The following KMO variants were observed in gnomAD, a reference collection of about 807,000 sequenced individuals.
KMO encodes kynurenine 3-hydroxylase.
A neutral mutation model predicts 57.8 loss-of-function variants in KMO; 24 were observed. The ratio of observed to expected loss-of-function variants is 0.42; its 90% CI spans 0.30 to 0.58. KMO has a LOEUF of 0.58. Among genes scored for constraint, KMO ranks in the 20% least tolerant of loss-of-function variants. The pLI is 0.22. For missense variants in KMO, 483 were observed against 588.2 expected, an observed-to-expected ratio of 0.82 and a Z score of 1.85; for synonymous variants, 210 against 193.6, an observed-to-expected ratio of 1.08 and a Z score of -0.70.
chr1:241,582,294 G>A (rs1196781885), intron 10 of KMO, among the ~76,000 whole-genome samples: 1 of 151,970 alleles, frequency 6.6e-6, no homozygotes, highest in Non-Finnish European at 1.5e-5. Context: ...CTTGTAGCTG[G>A]ATATTCATAT....
At chr1:241,539,525 A>G (rs1660880372) in intron 1 of KMO, among the ~76,000 whole-genome samples, 1 of 152,206 alleles carries the variant, frequency 6.6e-6, no homozygotes, top group African/African-American at 2.4e-5. Context: ...CAAAAACATC[A>G]AATCTGGAGT....
intron 12 of KMO, among the ~76,000 whole-genome samples, 185 bp from the exon 13 acceptor site, chr1:241,589,827 G>A (rs1198185031): frequency 6.6e-6 from 1 of 152,110 alleles, no homozygotes; most frequent in Non-Finnish European, 1.5e-5. Context: ...GTACATTTTC[G>A]AGGCAACGTC....
intron 6 of KMO, among the ~76,000 whole-genome samples, chr1:241,561,242 A>G (rs1367295819): frequency 6.6e-6 from 1 of 152,216 alleles, no homozygotes; most frequent in African/African-American, 2.4e-5. Flanking sequence ...AAATCCTTAT[A>G]GAAGCTCAAA....
chr1:241,575,183 G>A (rs1048242833), intron 10 of KMO, among the ~76,000 whole-genome samples: 1 of 151,988 alleles, frequency 6.6e-6, no homozygotes, highest in Admixed American at 6.6e-5. Context: ...ACTAGCTAAT[G>A]ATCTATTGAT....
At chr1:241,549,266 A>AAAGAAAGGAAGG (rs1348387681) in intron 2 of KMO, among the ~76,000 whole-genome samples, 4 of 117,556 alleles carry the variant, frequency 3.4e-5, no homozygotes, top group African/African-American at 1.3e-4. Context: ...AGAAAGAAAG[A>AAAGAAAGGAAGG]AAGGAAGGAA....
chr1:241,579,742 C>T (rs903298793), intron 10 of KMO, among the ~76,000 whole-genome samples: 5 of 152,142 alleles, frequency 3.3e-5, no homozygotes, highest in African/African-American at 1.2e-4. Context: ...CCAGCTTCTG[C>T]ACTCGTGGCT....
At chr1:241,563,641 A>C (rs1573921754) in intron 7 of KMO, among the ~76,000 whole-genome samples, 1 of 152,218 alleles carries the variant, frequency 6.6e-6, no homozygotes, top group African/African-American at 2.4e-5. Flanking sequence ...TCCAGACTTA[A>C]GAAGAACTGT....
chr1:241,563,255 T>C (rs1039840208), intron 7 of KMO, among the ~76,000 whole-genome samples: 2 of 152,162 alleles, frequency 1.3e-5, no homozygotes, highest in Non-Finnish European at 2.9e-5. Flanking sequence ...CAAATAAGTG[T>C]AGGAACTTGT....
chr1:241,547,614 T>C (rs114655996), intron 1 of KMO, among the ~76,000 whole-genome samples: 7,863 of 151,612 alleles, frequency 0.052, 268 homozygotes, highest in Non-Finnish European at 0.074. Context: ...TCAACTTCTT[T>C]AGTAATTAAG....
chr1:241,585,105 T>C (rs1662916933), intron 10 of KMO, among the ~76,000 whole-genome samples: 1 of 152,130 alleles, frequency 6.6e-6, no homozygotes, highest in Admixed American at 6.5e-5. Flanking sequence ...GGTGGGTTCC[T>C]GTAGTCCCAA....
intron 9 of KMO, 34 bp from the exon 10 acceptor site, chr1:241,568,466 G>T (rs370551738): frequency 7.2e-5 from 116 of 1,600,990 alleles, no homozygotes; most frequent in Non-Finnish European, 9.0e-5. Context: ...TACCTAATTT[G>T]ATGTCTTTAT....
intron 7 of KMO, among the ~76,000 whole-genome samples, chr1:241,564,555 A>G (rs999027523): frequency 6.6e-6 from 1 of 151,828 alleles, no homozygotes; most frequent in Non-Finnish European, 1.5e-5. Context: ...CAAAAGATAA[A>G]GTAAAAAATA....
intron 1 of KMO, among the ~76,000 whole-genome samples, chr1:241,547,350 C>G (rs1387996175): frequency 6.6e-6 from 1 of 151,964 alleles, no homozygotes; most frequent in Non-Finnish European, 1.5e-5. Flanking sequence ...AGAAGCAAGA[C>G]ACAGAATGGA....
chr1:241,594,569 A>G lies in KMO; in HGVS notation c.*2416A>G, dbSNP rs1663439351. 6.2e-7 allele frequency: 1 copy of G among 1,613,980 alleles called. No homozygotes were observed. Among genetic ancestry groups the G allele is most frequent in the African/African-American group, 1.3e-5 (1 of 74,910 alleles). On this transcript the variant is annotated 3_prime_UTR_variant, in exon 15 of 15. Coordinates refer to ENST00000366559, the MANE Select transcript of KMO (RefSeq NM_003679.5). ...TCACTTTTTTCTTTGGCCTGTCCCC[A>G]TCTTTCTGTGACATCACAATGGGTC...
chr1:241,570,470 G>C lies in KMO; in HGVS notation c.957+1823G>C, dbSNP rs534902257. On this transcript the variant is annotated intron_variant, in intron 10 of 14. Coordinates refer to ENST00000366559, the MANE Select transcript of KMO (RefSeq NM_003679.5). ...ATTTTTGTATATGGTGAAAGATAGT[G>C]GTCTAGTTTCATTCTTCAGCATATG... Among the ~76,000 whole-genome samples the C allele has an allele frequency of 2.6e-5, 4 of 152,148 alleles. No homozygotes were observed. The East Asian group carries it at 7.7e-4, about 29-fold the overall frequency.
chr1:241,543,724 C>T (rs896732908), intron 1 of KMO, among the ~76,000 whole-genome samples: 9 of 152,202 alleles, frequency 5.9e-5, no homozygotes, highest in South Asian at 2.1e-4. Context: ...CCCATTAGGC[C>T]TCATCTTCTC....
At chr1:241,541,943 T>C (rs540360692) in intron 1 of KMO, among the ~76,000 whole-genome samples, 1 of 152,272 alleles carries the variant, frequency 6.6e-6, no homozygotes, top group Admixed American at 6.5e-5. Context: ...TTAGGGAAGG[T>C]GTTATACGCT....
intron 11 of KMO, 93 bp downstream of exon 11, chr1:241,586,829 T>TCATTGAG: frequency 1.2e-6 from 1 of 842,534 alleles, no homozygotes; most frequent in Non-Finnish European, 1.9e-6. Flanking sequence ...AAACCTGTGA[T>TCATTGAG]GTATAATGTA....
chr1:241,583,800 A>G (rs2342686), intron 10 of KMO, among the ~76,000 whole-genome samples: 1 of 111,772 alleles, frequency 8.9e-6, no homozygotes, highest in South Asian at 2.7e-4. Flanking sequence ...TATGTGGCTG[A>G]CCATATAGTA....
Sources: allele counts gnomAD v4.1 joint callset (sites outside exome capture counted in the v4.1 genomes callset), GRCh38; gene constraint gnomAD v4.1.1; transcripts MANE v1.5; gene names NCBI Gene and HGNC (gene_info 2026-07-23, HGNC 2026-07-21).